Variants in GAPVD1 observed in about 807,000 individuals in gnomAD.
GAPVD1 encodes the protein GTPase activating protein and VPS9 domains 1.
A neutral mutation model predicts 155.5 loss-of-function variants in GAPVD1; 35 were observed. That is an observed-to-expected ratio of 0.23 (90% confidence interval 0.17 to 0.30). GAPVD1 has a LOEUF of 0.30. Among genes scored for constraint, GAPVD1 ranks in the 10% least tolerant of loss-of-function variants. The pLI is 1.00. For synonymous variants in GAPVD1, 636 were observed against 619.7 expected (o/e 1.03, Z -0.39); for missense variants, 1,429 against 1,775.7 (o/e 0.80, Z 3.51).
In GAPVD1 at chr9:125,304,307, T is replaced by TA. The variant is rs1841438098; in HGVS notation, c.1030-755dup. Among the ~76,000 whole-genome samples the TA allele has an allele frequency of 1.3e-5, 2 of 152,206 alleles. 1 individual carries two copies. Among genetic ancestry groups the TA allele is most frequent in the Admixed American group, 1.3e-4 (2 of 15,274 alleles). ...AACTCCTGGCCTCAGGTAATCCTCC[T>TA]ATTTTGGCCTCTCAAAGTGCTGGGA... On this transcript the variant is annotated intron_variant, in intron 5 of 27. Transcript: ENST00000297933.
At chr9:125,325,067 A>G (rs1405046611) in intron 11 of GAPVD1, among the ~76,000 whole-genome samples, 4 of 152,058 alleles carry the variant, frequency 2.6e-5, no homozygotes, top group East Asian at 3.9e-4. Context: ...TCTACTAAAA[A>G]TACAAAAATT....
At position 125,334,658 on chromosome 9, in the gene GAPVD1, G is replaced by C. The variant is rs78229166; in HGVS notation, c.2428+2029G>C. 2.8e-3 allele frequency among the ~76,000 whole-genome samples: 432 copies of C among 152,254 alleles called. 5 individuals carry two copies. Among genetic ancestry groups the C allele is most frequent in the East Asian group, 0.018 (93 of 5,190 alleles). On this transcript the variant is annotated intron_variant, in intron 15 of 27. Coordinates refer to ENST00000297933, the MANE Select transcript of GAPVD1 (RefSeq NM_001282680.3). ...CTCACACCTGTGATCCCAGCACTTC[G>C]AGAGGCTGAGGCTGGAGGAGTCCTT...
chr9:125,326,191 G>A (rs1425480394), intron 11 of GAPVD1, among the ~76,000 whole-genome samples: 2 of 152,206 alleles, frequency 1.3e-5, no homozygotes, highest in South Asian at 2.1e-4. Flanking sequence ...TTCTGAGATA[G>A]GTGGTTGGCA....
At chr9:125,285,143 C>A (rs1053381763) in intron 2 of GAPVD1, among the ~76,000 whole-genome samples, 2 of 152,180 alleles carry the variant, frequency 1.3e-5, no homozygotes, top group African/African-American at 2.4e-5. Context: ...ACTCTGGCAA[C>A]TATTCAGCTC....
intron 3 of GAPVD1, among the ~76,000 whole-genome samples, chr9:125,296,262 T>C (rs924333170): frequency 3.3e-5 from 5 of 150,426 alleles, no homozygotes; most frequent in Non-Finnish European, 7.4e-5. Context: ...CACTGCAACC[T>C]CCACCTCCCG....
chr9:125,318,509 A>G (rs73668915), intron 9 of GAPVD1, among the ~76,000 whole-genome samples: 3,991 of 152,282 alleles, frequency 0.026, 146 homozygotes, highest in African/African-American at 0.083. Context: ...ATTGTGTTAT[A>G]TAATCCCTTT....
At chr9:125,341,837 C>G (rs1847882770) in intron 18 of GAPVD1, 1 of 159,612 alleles carries the variant, frequency 6.3e-6, no homozygotes, top group Non-Finnish European at 1.4e-5. Flanking sequence ...TTCCAAAGGC[C>G]TCTTCTCAGC....
intron 2 of GAPVD1, among the ~76,000 whole-genome samples, chr9:125,276,553 A>G (rs945374641): frequency 6.6e-6 from 1 of 152,086 alleles, no homozygotes; most frequent in Non-Finnish European, 1.5e-5. Context: ...GCTGAGCGTG[A>G]TGGTGTACGC....
At chr9:125,310,936 T>G (rs1588863027) in intron 8 of GAPVD1, among the ~76,000 whole-genome samples, 1 of 151,282 alleles carries the variant, frequency 6.6e-6, no homozygotes, top group African/African-American at 2.4e-5. Context: ...GCCTCCCGGG[T>G]TCAAGTGATT....
intron 9 of GAPVD1, among the ~76,000 whole-genome samples, chr9:125,320,517 A>G (rs1844166572): frequency 1.3e-5 from 2 of 152,192 alleles, no homozygotes; most frequent in Admixed American, 6.6e-5. Flanking sequence ...TGCCTACAAA[A>G]TAACATGATT....
rs1844329332 is a variant in GAPVD1, at chr9:125,321,470, A to T, written c.1640A>T (p.Asp547Val). The stretch of plus-strand genomic sequence containing the variant: ...CAGCTTTCGGATGGAGGACAAGGAG[A>T]TGTCCCTGTTGATGAAAACAAACTC... ...NMQLSDGGQG[D>V]VPVDENKLHG... is the part of the protein sequence containing the mutation. Residue 547 changes from aspartate (D) to valine (V), a missense_variant, in exon 10 of 28, where the codon GAT (aspartate) becomes GTT (valine). By Grantham distance (152) the Asp-to-Val change is radical. Coordinates refer to ENST00000297933, the MANE Select transcript of GAPVD1 (RefSeq NM_001282680.3). 1 of 1,612,000 alleles carries T rather than the reference A, an allele frequency of 6.2e-7. No homozygotes were observed.
Position 125,349,442 on chromosome 9 carries a change from G to A in GAPVD1, c.3222G>A (p.Leu1074=). The A allele has an allele frequency of 3.7e-6, 6 of 1,613,874 alleles. No individual in the cohort carries two copies. The highest frequency in any genetic ancestry group is 5.1e-6 in the Non-Finnish European group (6 of 1,179,784). ...SAHDSPRDEA[L]QNISADDLPD... ...ATGATTCTCCCCGTGACGAAGCACT[G>A]CAGAACATCTCGGCTGATGATCTCC... The change falls in exon 21 of 28, where the codon CTG becomes CTA. Residue 1074 remains leucine, a synonymous_variant. Coordinates refer to ENST00000297933, the MANE Select transcript of GAPVD1 (RefSeq NM_001282680.3).
intron 23 of GAPVD1, among the ~76,000 whole-genome samples, chr9:125,352,270 C>G (rs981342488): frequency 1.9e-4 from 29 of 152,228 alleles, no homozygotes; most frequent in African/African-American, 6.5e-4. Context: ...TCCCACATTT[C>G]CTTTCCGCAC....
chr9:125,307,392 GT>G lies in GAPVD1; in HGVS notation c.1117-14del, dbSNP rs757344013. ...GTATTTTAAAGGGAAATGTTTCACT[GT>G]TTTTTTCCTGTTTTAACAGAGCTGT... On this transcript the variant is annotated intron_variant, in intron 6 of 27. Coordinates refer to ENST00000297933, the MANE Select transcript of GAPVD1 (RefSeq NM_001282680.3). 1.5e-5 allele frequency: 23 copies of G among 1,538,522 alleles called. No individual in the cohort carries two copies. Among genetic ancestry groups the G allele is most frequent in the Admixed American group, 2.0e-5 (1 of 48,920 alleles).
chr9:125,281,579 C>G (rs1214247724), intron 2 of GAPVD1, among the ~76,000 whole-genome samples: 1 of 152,116 alleles, frequency 6.6e-6, no homozygotes, highest in Non-Finnish European at 1.5e-5. Flanking sequence ...TCAATTATGA[C>G]AGTTTGTTAC....
In GAPVD1 at chr9:125,366,543, C is replaced by G. The variant is rs1851479182; in HGVS notation, c.*3797C>G. 5 of 152,078 alleles carry G rather than the reference C, an allele frequency of 3.3e-5. No individual in the cohort carries two copies. The allele number at this position is 152,078 out of a possible 1,614,324, so 9.4% of individuals were successfully genotyped here. ...GTTTCTTTAAAGAAAAGGCTGTTGTCTCTCTTTTTAAATATTTAAGTCTAG... is the reference window on the plus strand; with the variant it reads ...GTTTCTTTAAAGAAAAGGCTGTTGTGTCTCTTTTTAAATATTTAAGTCTAG... On this transcript the variant is annotated 3_prime_UTR_variant, in exon 28 of 28. Coordinates refer to ENST00000297933, the MANE Select transcript of GAPVD1 (RefSeq NM_001282680.3).
Position 125,364,241 on chromosome 9 carries a change from A to T in GAPVD1, c.*1495A>T, listed in dbSNP as rs1433228872. The T allele has an allele frequency of 6.7e-6, 1 of 149,738 alleles. No individual in the cohort carries two copies. The highest frequency in any genetic ancestry group is 1.5e-5 in the Non-Finnish European group (1 of 66,942). 9.3% of individuals were successfully genotyped at this position (149,738 alleles called of 1,614,324 possible). A position where few individuals can be genotyped will look rare whatever the true frequency, so the allele number is the denominator to read the frequency against. On this transcript the variant is annotated 3_prime_UTR_variant, in exon 28 of 28. Coordinates refer to ENST00000297933, the MANE Select transcript of GAPVD1 (RefSeq NM_001282680.3). Reference sequence around the variant, plus strand: ...ATTTTATTTTTTTTTCTTTGTTTTTATTTTATTTTATTTTATTTTTTTGAG... The same window carrying T: ...ATTTTATTTTTTTTTCTTTGTTTTTTTTTTATTTTATTTTATTTTTTTGAG...
chr9:125,340,446 G>A (rs529533305), intron 17 of GAPVD1, among the ~76,000 whole-genome samples: 1 of 152,124 alleles, frequency 6.6e-6, no homozygotes, highest in Non-Finnish European at 1.5e-5. Context: ...TGAGGAAGAG[G>A]GGGAGGTAAC....
chr9:125,303,923 A>G (rs1841369545), intron 5 of GAPVD1: 1 of 152,196 alleles, frequency 6.6e-6, no homozygotes, highest in Admixed American at 6.6e-5. Flanking sequence ...AAAAAATTAT[A>G]ATATGGAACA....
Sources: allele counts gnomAD v4.1 joint callset (sites outside exome capture counted in the v4.1 genomes callset), GRCh38; gene constraint gnomAD v4.1.1; transcripts MANE v1.5; gene names NCBI Gene and HGNC (gene_info 2026-07-23, HGNC 2026-07-21).